Variants in PDGFC observed in about 807,000 individuals in gnomAD.
PDGFC encodes the protein platelet derived growth factor C, also known as platelet-derived growth factor C.
In PDGFC, 12 loss-of-function variants were observed where a neutral mutation model predicts 35.5. The observed-to-expected ratio is 0.34, with a 90% CI of 0.22 to 0.55. The LOEUF (loss-of-function observed/expected upper bound fraction) is 0.55, where lower values mean the gene tolerates loss of function less well. Among genes scored for constraint, PDGFC ranks in the 20% least tolerant of loss-of-function variants. The pLI is 0.91. For missense variants in PDGFC, 322 were observed against 412.4 expected (o/e 0.78, Z 1.90); for synonymous variants, 159 against 148.8 (o/e 1.07, Z -0.50).
intron 1 of PDGFC, among the ~76,000 whole-genome samples, chr4:156,882,576 C>T (rs1362564715): frequency 1.3e-5 from 2 of 152,068 alleles, no homozygotes; most frequent in Non-Finnish European, 2.9e-5. Context: ...ATGTATCACC[C>T]ATAACACTTG....
intron 1 of PDGFC, among the ~76,000 whole-genome samples, chr4:156,949,067 G>A (rs898545552): frequency 2.0e-5 from 3 of 151,852 alleles, no homozygotes; most frequent in Non-Finnish European, 4.4e-5. Context: ...GTCCATCTCT[G>A]AAAACATCCA....
chr4:156,775,009 A>G (rs1258508277), intron 3 of PDGFC, among the ~76,000 whole-genome samples: 1 of 152,040 alleles, frequency 6.6e-6, no homozygotes, highest in Non-Finnish European at 1.5e-5. Flanking sequence ...GGACTAAGAT[A>G]TTTTCTAATT....
chr4:156,821,183 GTGTGTGTGTGTA>G (rs1311888426), intron 2 of PDGFC, among the ~76,000 whole-genome samples: 24 of 146,354 alleles, frequency 1.6e-4, no homozygotes, highest in African/African-American at 5.3e-4. Flanking sequence ...GTGTGTGTGT[GTGTGTGTGTGTA>G]TGTGTGTGTG....
intron 1 of PDGFC, among the ~76,000 whole-genome samples, chr4:156,961,139 A>C (rs1416894872): frequency 6.6e-6 from 1 of 152,182 alleles, no homozygotes; most frequent in Non-Finnish European, 1.5e-5. Flanking sequence ...TAAATTATAA[A>C]GCTTTAATGA....
At chr4:156,885,880 CAAAT>C (rs200570918) in intron 1 of PDGFC, among the ~76,000 whole-genome samples, 8 of 151,590 alleles carry the variant, frequency 5.3e-5, no homozygotes, top group Non-Finnish European at 7.4e-5. Context: ...AGATCTTGTC[CAAAT>C]AAATAAATAA....
intron 1 of PDGFC, among the ~76,000 whole-genome samples, chr4:156,948,703 T>TA (rs1222854045): frequency 1.3e-5 from 2 of 152,010 alleles, no homozygotes; most frequent in African/African-American, 4.8e-5. Flanking sequence ...ACCGCTGCCC[T>TA]ACAGCCTTTA....
intron 1 of PDGFC, among the ~76,000 whole-genome samples, chr4:156,916,189 C>A (rs1370078113): frequency 6.6e-6 from 1 of 152,142 alleles, no homozygotes; most frequent in Non-Finnish European, 1.5e-5. Context: ...CCCCAAGGCA[C>A]AGAGACAATC....
At chr4:156,938,520 A>G (rs1731734632) in intron 1 of PDGFC, among the ~76,000 whole-genome samples, 1 of 152,114 alleles carries the variant, frequency 6.6e-6, no homozygotes, top group East Asian at 1.9e-4. Context: ...ATATCAAATG[A>G]TCTAAAACAG....
chr4:156,772,613 C>G (rs989814419), intron 4 of PDGFC, 73 bp downstream of exon 4: 3 of 905,826 alleles, frequency 3.3e-6, no homozygotes, highest in East Asian at 2.4e-5. Flanking sequence ...CCTTTAGAAG[C>G]TGTGGCAGAA....
At chr4:156,772,928 A>T in intron 3 of PDGFC, 35 bp from the exon 4 acceptor site, 1 of 1,405,632 alleles carries the variant, frequency 7.1e-7, no homozygotes, top group African/African-American at 1.4e-5. Context: ...TAACTGTTTT[A>T]AAAACGACAA....
chr4:156,826,174 A>ATATTTTTTTTTTTT (rs1553967848), intron 2 of PDGFC, among the ~76,000 whole-genome samples: 1 of 43,790 alleles, frequency 2.3e-5, no homozygotes, highest in African/African-American at 8.1e-5. Context: ...TTTGAGTTGG[A>ATATTTTTTTTTTTT]TTTTTTTTTT....
Position 156,935,278 on chromosome 4 carries a change from G to A in PDGFC, c.118+35508C>T, listed in dbSNP as rs150753022. Among the ~76,000 whole-genome samples the A allele has an allele frequency of 2.8e-4, 42 of 152,330 alleles. No homozygotes were observed. The East Asian group carries it at 6.9e-3, about 25-fold the overall frequency. On this transcript the variant is annotated intron_variant, in intron 1 of 5. Transcript: ENST00000502773. Reference sequence around the variant, plus strand: ...CCCTAAGTGCTGCCATTACAGGCGTGAGCCACCATGTCTGACTTACAGTTA... The same window carrying A: ...CCCTAAGTGCTGCCATTACAGGCGTAAGCCACCATGTCTGACTTACAGTTA...
At chr4:156,918,157 G>T (rs1407278781) in intron 1 of PDGFC, among the ~76,000 whole-genome samples, 1 of 151,976 alleles carries the variant, frequency 6.6e-6, no homozygotes, top group Non-Finnish European at 1.5e-5. Context: ...TTTGTCTCAG[G>T]AACACTCTTT....
chr4:156,767,662 TC>T (rs1231674855), intron 5 of PDGFC, 110 bp downstream of exon 5: 2 of 669,932 alleles, frequency 3.0e-6, no homozygotes, highest in East Asian at 2.7e-5. Context: ...CTCTTTTTTT[TC>T]CCCATGAATA....
intron 1 of PDGFC, among the ~76,000 whole-genome samples, chr4:156,854,174 T>C (rs1180097556): frequency 6.6e-6 from 1 of 152,174 alleles, no homozygotes; most frequent in Non-Finnish European, 1.5e-5. Context: ...CAATGAATTA[T>C]TTTTTCCCAT....
intron 1 of PDGFC, among the ~76,000 whole-genome samples, chr4:156,955,415 C>T (rs1237655465): frequency 2.2e-4 from 33 of 151,862 alleles, no homozygotes; most frequent in Admixed American, 2.0e-3. Flanking sequence ...AAGATAACTA[C>T]GTGAGGTGAT....
intron 1 of PDGFC, among the ~76,000 whole-genome samples, chr4:156,873,327 T>G (rs1354127144): frequency 6.6e-6 from 1 of 152,112 alleles, no homozygotes; most frequent in African/African-American, 2.4e-5. Flanking sequence ...CACCCCTTAC[T>G]CCCAAATTCC....
chr4:156,772,699 T>C lies in PDGFC; in HGVS notation c.690A>G (p.Gly230=). The part of the protein sequence containing the change: ...WQLLGKAFVF[G]RKSRVVDLNL... ...GAGGGAGCTTACCTCTGGATTTTCTTCCAAAAACAAAAGCCTTGCCAAGAA... is the reference window on the plus strand; with the variant it reads ...GAGGGAGCTTACCTCTGGATTTTCTCCCAAAAACAAAAGCCTTGCCAAGAA... The change falls in exon 4 of 6, where the codon GGA becomes GGG. Residue 230 remains glycine, a synonymous_variant. Coordinates refer to ENST00000502773, the MANE Select transcript of PDGFC (RefSeq NM_016205.3). The C allele has an allele frequency of 3.1e-6, 5 of 1,612,108 alleles. No individual in the cohort carries two copies. Among genetic ancestry groups the C allele is most frequent in the Non-Finnish European group, 4.2e-6 (5 of 1,178,438 alleles).
At chr4:156,826,942 G>C (rs1053399106) in intron 2 of PDGFC, among the ~76,000 whole-genome samples, 1 of 152,150 alleles carries the variant, frequency 6.6e-6, no homozygotes, top group Non-Finnish European at 1.5e-5. Context: ...TAGGATATTA[G>C]AGAATTTCAG....
Sources: gnomAD v4.1 joint callset for allele counts (sites outside exome capture counted in the v4.1 genomes callset) on GRCh38, gnomAD v4.1.1 for gene constraint, MANE v1.5 for transcripts, NCBI Gene and HGNC (gene_info 2026-07-23, HGNC 2026-07-21) for gene names.